SRRM4: variants seen among roughly 807,000 people sequenced by gnomAD.
SRRM4 encodes serine/arginine repetitive matrix protein 4.
Under a neutral mutation model 68.9 loss-of-function variants are expected in SRRM4, and 33 were observed. The ratio of observed to expected loss-of-function variants is 0.48; its 90% CI spans 0.36 to 0.64. The LOEUF (loss-of-function observed/expected upper bound fraction) is 0.64. Ranked by LOEUF, SRRM4 falls within the 30% of genes least tolerant of loss-of-function variation. The probability of loss-of-function intolerance (pLI) is 0.00; values close to 1 mark genes in which losing one functional copy is unlikely to be tolerated. For missense variants in SRRM4, 817 were observed against 827.1 expected (o/e 0.99, Z 0.15); for synonymous variants, 318 against 318.8 (o/e 1.00, Z 0.03).
intron 1 of SRRM4, among the ~76,000 whole-genome samples, chr12:119,042,325 A>G (rs68039230): frequency 0.18 from 26,802 of 151,888 alleles, 2,863 homozygotes; most frequent in African/African-American, 0.28. Context: ...GGCAAGAAAG[A>G]AAAAGCGGAG....
At chr12:119,007,474 T>A (rs1252353489) in intron 1 of SRRM4, among the ~76,000 whole-genome samples, 2 of 152,228 alleles carry the variant, frequency 1.3e-5, no homozygotes, top group Non-Finnish European at 2.9e-5. Flanking sequence ...ATGTTTTTTT[T>A]ATTCCAGACT....
At position 119,157,152 on chromosome 12, in the gene SRRM4, TCTC is replaced by T. The variant is rs367638272; in HGVS notation, c.*359_*361del. The stretch of plus-strand genomic sequence containing the variant: ...GCCAGGAAAATGTGGAGACAGTTCT[TCTC>T]CTCCACTGCTCACAGGAGGCCCGTG... On this transcript the variant is annotated 3_prime_UTR_variant, in exon 13 of 13. Transcript: ENST00000267260. The surrounding 1 kb of genome is among the most constrained non-coding windows in gnomAD (Gnocchi z 4.1). 114 of 240,844 alleles carry T rather than the reference TCTC, an allele frequency of 4.7e-4. No individual in the cohort carries two copies. Among genetic ancestry groups the T allele is most frequent in the Middle Eastern group, 2.9e-3 (2 of 692 alleles). The allele number at this position is 240,844 out of a possible 1,614,324, so 14.9% of individuals were successfully genotyped here. A position where few individuals can be genotyped will look rare whatever the true frequency, so the allele number is the denominator to read the frequency against.
chr12:119,104,293 G>GA (rs1267905942), intron 2 of SRRM4, among the ~76,000 whole-genome samples: 3 of 151,926 alleles, frequency 2.0e-5, no homozygotes, highest in Non-Finnish European at 2.9e-5. Flanking sequence ...ATGAAAATCT[G>GA]AAAAAATGAT....
In SRRM4 at chr12:119,130,771, C is replaced by T; in HGVS notation, c.708C>T (p.Ala236=). The change falls in exon 8 of 13, where the codon GCC becomes GCT. Residue 236 remains alanine, a synonymous_variant. Transcript: ENST00000267260. Reference sequence around the variant, plus strand: ...CCCTCTGCAAGGACAGCCCTGAGGCCCAGTCCAGTCGCCCGCCCAGTCAAC... The same window carrying T: ...CCCTCTGCAAGGACAGCCCTGAGGCTCAGTCCAGTCGCCCGCCCAGTCAAC... ...SKTLCKDSPE[A]QSSRPPSQPL... The T allele has an allele frequency of 1.2e-6, 2 of 1,610,070 alleles. No homozygotes were observed. The highest frequency in any genetic ancestry group is 8.5e-7 in the Non-Finnish European group (1 of 1,179,822).
intron 1 of SRRM4, among the ~76,000 whole-genome samples, chr12:118,986,851 C>G (rs1044253824): frequency 6.6e-6 from 1 of 152,098 alleles, no homozygotes; most frequent in African/African-American, 2.4e-5. Context: ...GGTCACATGC[C>G]TTCTTCTCCA....
chr12:119,096,062 G>C (rs111824844), intron 1 of SRRM4, among the ~76,000 whole-genome samples: 11,836 of 150,630 alleles, frequency 0.079, 528 homozygotes, highest in Admixed American at 0.1. Flanking sequence ...GCTCTGTGGC[G>C]CAGGCTGGAG....
At chr12:119,066,916 A>G (rs1346721605) in intron 1 of SRRM4, among the ~76,000 whole-genome samples, 1 of 152,054 alleles carries the variant, frequency 6.6e-6, no homozygotes, top group Non-Finnish European at 1.5e-5. Flanking sequence ...CATTCATTCT[A>G]CCCATAAATT....
intron 1 of SRRM4, among the ~76,000 whole-genome samples, chr12:119,037,741 G>T (rs146389626): frequency 6.6e-6 from 1 of 152,176 alleles, no homozygotes; most frequent in South Asian, 2.1e-4. Flanking sequence ...GGGAAGGAAG[G>T]CATGGAAATG....
At chr12:119,110,858 G>T (rs571266853) in intron 2 of SRRM4, among the ~76,000 whole-genome samples, 1 of 152,160 alleles carries the variant, frequency 6.6e-6, no homozygotes, top group African/African-American at 2.4e-5. Flanking sequence ...AGATGAACCC[G>T]GTACCTTAGT....
chr12:119,055,948 T>A (rs535710659), intron 1 of SRRM4, among the ~76,000 whole-genome samples: 2 of 152,190 alleles, frequency 1.3e-5, no homozygotes, highest in African/African-American at 4.8e-5. Flanking sequence ...TGCCTAACAA[T>A]AGAACGAAAT....
intron 1 of SRRM4, among the ~76,000 whole-genome samples, chr12:119,062,139 C>T (rs1953816477): frequency 6.6e-6 from 1 of 152,176 alleles, no homozygotes; most frequent in Admixed American, 6.5e-5. Flanking sequence ...GCAACTGTAA[C>T]ACAATGGTAA....
intron 1 of SRRM4, among the ~76,000 whole-genome samples, chr12:119,097,899 A>C (rs1954055104): frequency 6.6e-6 from 1 of 152,202 alleles, no homozygotes; most frequent in South Asian, 2.1e-4. Context: ...GTGTTTATTC[A>C]ATGCTAAATT....
At chr12:119,027,135 C>G (rs1953553773) in intron 1 of SRRM4, among the ~76,000 whole-genome samples, 1 of 152,090 alleles carries the variant, frequency 6.6e-6, no homozygotes, top group African/African-American at 2.4e-5. Context: ...AGCTCTCCAT[C>G]AAGAACAGGA....
intron 1 of SRRM4, among the ~76,000 whole-genome samples, chr12:119,016,969 G>A (rs1953485842): frequency 6.6e-6 from 1 of 152,318 alleles, no homozygotes; most frequent in Admixed American, 6.5e-5. Context: ...TCATAGTATT[G>A]TTGTGATAAT....
At chr12:119,100,851 C>T (rs766527289) in intron 1 of SRRM4, among the ~76,000 whole-genome samples, 10 of 152,118 alleles carry the variant, frequency 6.6e-5, no homozygotes, top group Non-Finnish European at 1.3e-4. Context: ...AAAACTGAGG[C>T]TGAGCAGGAT....
Position 119,108,120 on chromosome 12 carries a change from C to A in SRRM4, c.278+5738C>A, listed in dbSNP as rs367620390. Among the ~76,000 whole-genome samples, 14 of 152,294 alleles carry A rather than the reference C, an allele frequency of 9.2e-5. No homozygotes were observed. The East Asian group carries it at 1.9e-3, about 21-fold the overall frequency. On this transcript the variant is annotated intron_variant, in intron 2 of 12. Transcript: ENST00000267260. ...GTTGTTCAGTTTCCATGTAGTTGTG[C>A]AGTTTTGAGTGTGTCTCTTAATCCT...
chr12:118,988,096 T>G (rs2135988031), intron 1 of SRRM4, among the ~76,000 whole-genome samples: 1 of 151,902 alleles, frequency 6.6e-6, no homozygotes, highest in Non-Finnish European at 1.5e-5. Flanking sequence ...TTAAGCATGA[T>G]AATGTAGGGA....
At chr12:119,008,265 C>T (rs907694999) in intron 1 of SRRM4, among the ~76,000 whole-genome samples, 1 of 151,672 alleles carries the variant, frequency 6.6e-6, no homozygotes, top group Admixed American at 6.6e-5. Context: ...TGGTGCATGC[C>T]TGTAGTCCCA....
At chr12:119,000,829 G>A (rs1055763515) in intron 1 of SRRM4, 11 of 152,284 alleles carry the variant, frequency 7.2e-5, no homozygotes, top group Non-Finnish European at 7.3e-5. Flanking sequence ...GCCAATGGGG[G>A]AACCTGGGAG....
Sources: allele counts gnomAD v4.1 joint callset (sites outside exome capture counted in the v4.1 genomes callset), GRCh38; gene constraint gnomAD v4.1.1; non-coding constraint Gnocchi (gnomAD v3.1); transcripts MANE v1.5; gene names NCBI Gene and HGNC (gene_info 2026-07-23, HGNC 2026-07-21).